The following CTNND2 variants were observed in gnomAD, a reference collection of about 807,000 sequenced individuals.
The protein encoded by CTNND2 is catenin delta 2.
CTNND2 carries 22 observed loss-of-function variants against 144.4 expected under a neutral mutation model. The ratio of observed to expected loss-of-function variants is 0.15; its 90% CI spans 0.11 to 0.22. The LOEUF (loss-of-function observed/expected upper bound fraction) is 0.22. CTNND2 is among the 10% of genes least tolerant of loss of function. CTNND2 has a pLI of 1.00. For missense variants in CTNND2, 1,353 were observed against 1,618.8 expected, an observed-to-expected ratio of 0.84 and a Z score of 2.82; for synonymous variants, 751 against 695.6, an observed-to-expected ratio of 1.08 and a Z score of -1.25.
chr5:11,038,181 G>C (rs1414140223), intron 16 of CTNND2, among the ~76,000 whole-genome samples: 2 of 152,168 alleles, frequency 1.3e-5, no homozygotes, highest in Non-Finnish European at 2.9e-5. Flanking sequence ...TTCATGTTGT[G>C]TAGCTTAGGG....
chr5:11,466,232 C>A (rs1238410367), intron 3 of CTNND2, among the ~76,000 whole-genome samples: 1 of 152,072 alleles, frequency 6.6e-6, no homozygotes, highest in Non-Finnish European at 1.5e-5. Flanking sequence ...GAACTCCTAG[C>A]CTCAAGTGAT....
intron 1 of CTNND2, among the ~76,000 whole-genome samples, chr5:11,796,534 T>A (rs897729038): frequency 3.9e-5 from 6 of 152,224 alleles, no homozygotes; most frequent in Non-Finnish European, 7.3e-5. Flanking sequence ...CCTATAACAT[T>A]GCTAAAACCT....
intron 7 of CTNND2, among the ~76,000 whole-genome samples, chr5:11,372,689 T>C (rs779515284): frequency 6.6e-6 from 1 of 152,170 alleles, no homozygotes; most frequent in Non-Finnish European, 1.5e-5. Context: ...GCCACGTATT[T>C]TGGTGTTTTT....
At chr5:11,470,982 T>TATATATATATA (rs56744030) in intron 3 of CTNND2, among the ~76,000 whole-genome samples, 472 of 37,566 alleles carry the variant, frequency 0.013, 1 homozygote, top group Middle Eastern at 0.021. Context: ...ATATATATAT[T>TATATATATATA]TTTTTTTTTT....
At chr5:11,203,680 C>T (rs376393451) in intron 10 of CTNND2, among the ~76,000 whole-genome samples, 1 of 152,088 alleles carries the variant, frequency 6.6e-6, no homozygotes, top group Non-Finnish European at 1.5e-5. Flanking sequence ...AGGCCTCATG[C>T]AGAATTCTTT....
intron 1 of CTNND2, among the ~76,000 whole-genome samples, chr5:11,828,891 G>A (rs1239159902): frequency 6.6e-6 from 1 of 152,114 alleles, no homozygotes; most frequent in African/African-American, 2.4e-5. Flanking sequence ...CTTGTTGAAT[G>A]GCTTTGCCCA....
At chr5:11,485,705 G>T (rs1768759090) in intron 3 of CTNND2, among the ~76,000 whole-genome samples, 1 of 152,046 alleles carries the variant, frequency 6.6e-6, no homozygotes, top group South Asian at 2.1e-4. Flanking sequence ...GAAAATATAG[G>T]TCTCTGTCTC....
Position 11,565,050 on chromosome 5 carries a change from G to T in CTNND2, c.181C>A (p.Gln61Lys). Reference protein sequence around the residue: ...ILASVKEQELQFERLTRELEA... With the variant: ...ILASVKEQELKFERLTRELEA... ...AGCTCTCGGGTCAGCCTTTCAAACT[G>T]TAATTCCTGAAAGAAACCCATCAAC... is the stretch of plus-strand genomic sequence containing the variant. Residue 61 changes from glutamine (Q) to lysine (K), a missense_variant, in exon 3 of 22, where the codon CAG (glutamine) becomes AAG (lysine). Transcript: ENST00000304623. 6.2e-7 allele frequency: 1 copy of T among 1,612,256 alleles called. No homozygotes were observed.
chr5:11,160,824 C>A (rs1297299448), intron 11 of CTNND2, among the ~76,000 whole-genome samples: 2 of 152,194 alleles, frequency 1.3e-5, no homozygotes, highest in African/African-American at 2.4e-5. Flanking sequence ...ACAAACAGAA[C>A]ATGTTTATTT....
chr5:11,787,404 T>C (rs1263235745), intron 1 of CTNND2, among the ~76,000 whole-genome samples: 2 of 152,192 alleles, frequency 1.3e-5, no homozygotes, highest in South Asian at 2.1e-4. Flanking sequence ...TACTAGAAAC[T>C]ATATTTCAGC....
At chr5:11,019,711 G>A (rs1742037931) in intron 17 of CTNND2, among the ~76,000 whole-genome samples, 1 of 152,126 alleles carries the variant, frequency 6.6e-6, no homozygotes, top group Admixed American at 6.5e-5. Flanking sequence ...TTGGACAATT[G>A]TGTGTTTCTA....
At chr5:11,261,585 C>G (rs1046745069) in intron 9 of CTNND2, among the ~76,000 whole-genome samples, 4 of 152,328 alleles carry the variant, frequency 2.6e-5, no homozygotes, top group Non-Finnish European at 4.4e-5. Flanking sequence ...GCTGAACAAA[C>G]CAAGGGTCAT....
At chr5:11,770,130 C>A (rs1463485703) in intron 1 of CTNND2, among the ~76,000 whole-genome samples, 1 of 152,054 alleles carries the variant, frequency 6.6e-6, no homozygotes, top group Non-Finnish European at 1.5e-5. Flanking sequence ...TAAGGAAAGT[C>A]ATTGAAGAAA....
intron 18 of CTNND2, among the ~76,000 whole-genome samples, chr5:11,004,825 G>A (rs905155441): frequency 4.6e-5 from 7 of 151,354 alleles, no homozygotes; most frequent in Middle Eastern, 3.5e-3. Flanking sequence ...TGGAAGCAGA[G>A]TCACTGAACA....
intron 3 of CTNND2, among the ~76,000 whole-genome samples, chr5:11,416,216 A>C (rs1202890907): frequency 6.6e-6 from 1 of 152,200 alleles, no homozygotes; most frequent in Non-Finnish European, 1.5e-5. Context: ...ACGTCATGCT[A>C]TTAGATATTT....
At chr5:11,186,225 G>A (rs904320199) in intron 11 of CTNND2, among the ~76,000 whole-genome samples, 1 of 152,228 alleles carries the variant, frequency 6.6e-6, no homozygotes, top group Non-Finnish European at 1.5e-5. Flanking sequence ...GCTGCAGAAT[G>A]TAAAATGGAT....
At chr5:11,578,542 T>C (rs1778144905) in intron 2 of CTNND2, among the ~76,000 whole-genome samples, 1 of 152,082 alleles carries the variant, frequency 6.6e-6, no homozygotes, top group Non-Finnish European at 1.5e-5. Flanking sequence ...GCACCTGTAG[T>C]ACCAGCTTCT....
chr5:11,250,108 T>A (rs1386128043), intron 9 of CTNND2, among the ~76,000 whole-genome samples: 5 of 152,192 alleles, frequency 3.3e-5, no homozygotes, highest in Non-Finnish European at 5.9e-5. Context: ...AGAGTCTGCA[T>A]TTCTTTAAAT....
At chr5:11,138,597 T>G (rs1301195990) in intron 12 of CTNND2, among the ~76,000 whole-genome samples, 1 of 152,240 alleles carries the variant, frequency 6.6e-6, no homozygotes, top group Admixed American at 6.5e-5. Flanking sequence ...TTAGAAAAGC[T>G]TGATACCTTG....
Sources: gnomAD v4.1 joint callset for allele counts (sites outside exome capture counted in the v4.1 genomes callset) on GRCh38, gnomAD v4.1.1 for gene constraint, MANE v1.5 for transcripts, NCBI Gene and HGNC (gene_info 2026-07-23, HGNC 2026-07-21) for gene names.